NAV2: variants seen among roughly 807,000 people sequenced by gnomAD.
The protein encoded by NAV2 is neuron navigator 2.
In NAV2, 54 loss-of-function variants were observed where a neutral mutation model predicts 223.2. The ratio of observed to expected loss-of-function variants is 0.24; its 90% CI spans 0.19 to 0.30. NAV2 has a LOEUF of 0.30. NAV2 is among the 10% of genes least tolerant of loss of function. NAV2 has a pLI of 1.00. For synonymous variants in NAV2, 1,279 were observed against 1,239.3 expected, an observed-to-expected ratio of 1.03 and a Z score of -0.67; for missense variants, 2,806 against 3,147.5, an observed-to-expected ratio of 0.89 and a Z score of 2.60.
chr11:19,852,326 T>G (rs1183976908), intron 3 of NAV2, among the ~76,000 whole-genome samples: 1 of 152,242 alleles, frequency 6.6e-6, no homozygotes, highest in Non-Finnish European at 1.5e-5. Flanking sequence ...GTTCCTTGGA[T>G]TTCTGAGTTT....
intron 1 of NAV2, among the ~76,000 whole-genome samples, chr11:19,573,257 C>T (rs1297364679): frequency 2.0e-5 from 3 of 152,114 alleles, no homozygotes; most frequent in South Asian, 4.2e-4. Flanking sequence ...AGAATCTCAG[C>T]TACCCTGCCC....
At position 19,483,480 on chromosome 11, in the gene NAV2, C is replaced by T. The variant is rs148955738; in HGVS notation, c.75+132453C>T. On this transcript the variant is annotated intron_variant, in intron 1 of 37. Coordinates refer to the NAV2 transcript ENST00000360655. ...ACAAGGGTAGTGATGCTGGAAATTT[C>T]GTTGTGCCAAAGAGAAGGCTTGAAA... 2.8e-4 allele frequency among the ~76,000 whole-genome samples: 42 copies of T among 152,198 alleles called. 1 individual carries two copies. The East Asian group carries it at 8.1e-3, about 29-fold the overall frequency.
chr11:19,455,342 A>G (rs898869179), intron 1 of NAV2, among the ~76,000 whole-genome samples: 9 of 152,214 alleles, frequency 5.9e-5, no homozygotes, highest in African/African-American at 1.9e-4. Flanking sequence ...CCATATCCCT[A>G]GCACCTAGAA....
intron 10 of NAV2, among the ~76,000 whole-genome samples, chr11:19,977,054 C>T (rs1188136372): frequency 6.6e-6 from 1 of 152,066 alleles, no homozygotes; most frequent in African/African-American, 2.4e-5. Flanking sequence ...TAAAGGGTGC[C>T]CCAATTTTGC....
intron 1 of NAV2, among the ~76,000 whole-genome samples, chr11:19,561,833 C>T (rs1207928083): frequency 6.6e-6 from 1 of 152,220 alleles, no homozygotes. Flanking sequence ...GCAAGTCTGG[C>T]TCAGTTACGG....
At chr11:19,716,266 GC>G (rs2050303032) in intron 1 of NAV2, among the ~76,000 whole-genome samples, 1 of 152,186 alleles carries the variant, frequency 6.6e-6, no homozygotes, top group African/African-American at 2.4e-5. Context: ...TGATAACATA[GC>G]TTTTAAAGTC....
chr11:20,029,836 C>T (rs1341083343), intron 11 of NAV2, among the ~76,000 whole-genome samples: 6 of 152,330 alleles, frequency 3.9e-5, no homozygotes, highest in East Asian at 1.9e-4. Flanking sequence ...ACTCCAGTTA[C>T]GTTCTTATCT....
chr11:19,521,536 G>A (rs570164321), intron 1 of NAV2, among the ~76,000 whole-genome samples: 16 of 152,274 alleles, frequency 1.1e-4, no homozygotes, highest in Non-Finnish European at 1.8e-4. Flanking sequence ...AAATTCTCAC[G>A]CCCTGTGCAG....
intron 1 of NAV2, among the ~76,000 whole-genome samples, chr11:19,682,073 G>T (rs2048894508): frequency 6.6e-6 from 1 of 152,098 alleles, no homozygotes; most frequent in African/African-American, 2.4e-5. Context: ...TACCACCAGA[G>T]CATCAGGCAC....
At chr11:19,850,555 A>G (rs563027110) in intron 3 of NAV2, among the ~76,000 whole-genome samples, 28 of 152,318 alleles carry the variant, frequency 1.8e-4, no homozygotes, top group Non-Finnish European at 3.7e-4. Flanking sequence ...TTGAGCACTC[A>G]GTATTAATTT....
chr11:19,576,341 G>A (rs1165556106), intron 1 of NAV2, among the ~76,000 whole-genome samples: 2 of 152,210 alleles, frequency 1.3e-5, no homozygotes, highest in Non-Finnish European at 2.9e-5. Context: ...TCCAAGGCAA[G>A]CGAACAGATT....
intron 17 of NAV2, among the ~76,000 whole-genome samples, chr11:20,053,653 A>G (rs890857473): frequency 2.6e-5 from 4 of 152,184 alleles, no homozygotes; most frequent in East Asian, 3.9e-4. Context: ...GCTGTGATTC[A>G]TGGTCATTTA....
intron 1 of NAV2, among the ~76,000 whole-genome samples, chr11:19,411,479 C>T (rs60690243): frequency 0.036 from 5,434 of 152,252 alleles, 323 homozygotes; most frequent in African/African-American, 0.13. Context: ...TATCTTTCTT[C>T]CACCTCCTGT....
chr11:20,093,343 A>C, intron 29 of NAV2, 144 bp downstream of exon 29: 1 of 629,062 alleles, frequency 1.6e-6, no homozygotes, highest in Non-Finnish European at 2.9e-6. Context: ...ACTAACCATA[A>C]TCCCTTGCAG....
At chr11:19,802,913 G>A (rs957105290) in intron 1 of NAV2, among the ~76,000 whole-genome samples, 3 of 152,112 alleles carry the variant, frequency 2.0e-5, no homozygotes, top group Non-Finnish European at 2.9e-5. Context: ...AGGAAAAACA[G>A]ACAGAGGGGA....
chr11:19,617,676 C>T (rs939889584), intron 1 of NAV2, among the ~76,000 whole-genome samples: 2 of 152,192 alleles, frequency 1.3e-5, no homozygotes, highest in African/African-American at 4.8e-5. Flanking sequence ...CAGGAATGGC[C>T]TCCCTGAGGA....
chr11:19,859,722 CA>C, intron 3 of NAV2, among the ~76,000 whole-genome samples: 1 of 151,762 alleles, frequency 6.6e-6, no homozygotes, highest in African/African-American at 2.4e-5. Context: ...GGTGGCCGGG[CA>C]GAGGCGCCCC....
intron 1 of NAV2, among the ~76,000 whole-genome samples, chr11:19,467,014 CACACAG>C (rs55833022): frequency 0.27 from 36,572 of 137,838 alleles, 4,638 homozygotes; most frequent in Non-Finnish European, 0.33. Flanking sequence ...CACACACACA[CACACAG>C]AGAGAGAGAG....
Position 20,107,244 on chromosome 11 carries a change from G to GTTT in NAV2, c.6842-407_6842-405dup, listed in dbSNP as rs759043206. The GTTT allele has an allele frequency of 3.8e-5, 5 of 133,294 alleles. No homozygotes were observed. The East Asian group carries it at 8.9e-4, about 24-fold the overall frequency. 8.3% of individuals were successfully genotyped at this position (133,294 alleles called of 1,614,324 possible). A position where few individuals can be genotyped will look rare whatever the true frequency, so the allele number is the denominator to read the frequency against. ...AGGCACCCACCACCACGCCTGGCTA[G>GTTT]TTTTTTTTTTTTTTTGTATTTTTAG... On this transcript the variant is annotated intron_variant, in intron 35 of 37. Transcript: ENST00000349880.
Sources: allele counts gnomAD v4.1 joint callset (sites outside exome capture counted in the v4.1 genomes callset), GRCh38; gene constraint gnomAD v4.1.1; transcripts MANE v1.5; gene names NCBI Gene and HGNC (gene_info 2026-07-23, HGNC 2026-07-21).